Variants in KANK1 observed in about 807,000 individuals in gnomAD.
KANK1 encodes KN motif and ankyrin repeat domains 1.
Under a neutral mutation model 106.2 loss-of-function variants are expected in KANK1, and 109 were observed. That is an observed-to-expected ratio of 1.03 (90% CI 0.88 to 1.20). KANK1 has a LOEUF of 1.20. KANK1 is among the 50% of genes most tolerant of loss of function. KANK1 has a pLI of 0.00. For missense variants in KANK1, 2,399 were observed against 1,710.7 expected, an observed-to-expected ratio of 1.40 and a Z score of -7.10; for synonymous variants, 873 against 652.2, an observed-to-expected ratio of 1.34 and a Z score of -5.16.
intron 2 of KANK1, among the ~76,000 whole-genome samples, chr9:705,375 C>A (rs1786185412): frequency 6.6e-6 from 1 of 152,040 alleles, no homozygotes; most frequent in Non-Finnish European, 1.5e-5. Flanking sequence ...AATCCCAGCT[C>A]CTCGGGAGGA....
rs1190089437 is a variant in KANK1, at chr9:711,778, G to A, written c.1012G>A (p.Ala338Thr). Residue 338 changes from alanine (A) to threonine (T), a missense_variant, in exon 3 of 12, where the codon GCC becomes ACC. Physicochemically the swap from Ala to Thr is moderately conservative, Grantham distance 58. Transcript: ENST00000382297. ...CTCCCAGCTGGAACAGCTCTCCCGG[G>A]CCCGAAGAAGTGGCGGGGAATTATA... is the stretch of plus-strand genomic sequence containing the variant. ...NASQLEQLSR[A>T]RRSGGELYID... 6.2e-6 allele frequency: 10 copies of A among 1,614,068 alleles called. No homozygotes were observed. In the East Asian group the frequency reaches 1.6e-4, roughly 25 times the overall value.
At chr9:563,442 G>A (rs566179315) in intron 1 of KANK1, among the ~76,000 whole-genome samples, 1 of 152,258 alleles carries the variant, frequency 6.6e-6, no homozygotes, top group East Asian at 1.9e-4. Flanking sequence ...GAATAAACAT[G>A]CTGTTTTATT....
intron 1 of KANK1, among the ~76,000 whole-genome samples, chr9:628,104 A>G (rs1249995901): frequency 6.6e-6 from 1 of 152,206 alleles, no homozygotes; most frequent in Non-Finnish European, 1.5e-5. Context: ...AATCCTAGAG[A>G]GTATTTCCTG....
At position 742,561 on chromosome 9, in the gene KANK1, G is replaced by C. The variant is rs151074583; in HGVS notation, c.3897+156G>C. On this transcript the variant is annotated intron_variant, in intron 10 of 11. Coordinates refer to ENST00000382297, the MANE Select transcript of KANK1 (RefSeq NM_015158.5). ...GTGCCTCCCTTCACAGCCAAGCTTG[G>C]CTACACTTACTGTGTGTGTGCAAAC... Among the ~76,000 whole-genome samples, 10 of 152,260 alleles carry C rather than the reference G, an allele frequency of 6.6e-5. No homozygotes were observed. The East Asian group carries it at 1.9e-3, about 29-fold the overall frequency.
chr9:635,041 A>C (rs142810746), intron 1 of KANK1, among the ~76,000 whole-genome samples: 17 of 152,332 alleles, frequency 1.1e-4, no homozygotes, highest in Non-Finnish European at 2.2e-4. Context: ...TCACTGACCA[A>C]AAATGAGTCA....
intron 1 of KANK1, among the ~76,000 whole-genome samples, chr9:665,159 T>A (rs1398498450): frequency 2.0e-5 from 3 of 152,208 alleles, no homozygotes; most frequent in African/African-American, 7.2e-5. Context: ...GTGCAGAAGC[T>A]TTTCAGCTTG....
chr9:574,944 G>A (rs1284982101), intron 1 of KANK1, among the ~76,000 whole-genome samples: 1 of 151,224 alleles, frequency 6.6e-6, no homozygotes, highest in Non-Finnish European at 1.5e-5. Flanking sequence ...TTGTCTTTAT[G>A]CCCACAGGGG....
chr9:652,279 G>A (rs1841062452), intron 1 of KANK1, among the ~76,000 whole-genome samples: 1 of 152,136 alleles, frequency 6.6e-6, no homozygotes, highest in Non-Finnish European at 1.5e-5. Context: ...CCAGCACTTT[G>A]GGAGGCTAAG....
intron 1 of KANK1, among the ~76,000 whole-genome samples, chr9:518,183 G>A (rs12345902): frequency 0.047 from 7,122 of 151,868 alleles, 760 homozygotes; most frequent in African/African-American, 0.16. Context: ...TATATAGTTT[G>A]TGAATCATTT....
At chr9:598,478 C>A (rs1826784134) in intron 1 of KANK1, among the ~76,000 whole-genome samples, 1 of 151,360 alleles carries the variant, frequency 6.6e-6, no homozygotes, top group Admixed American at 6.6e-5. Flanking sequence ...AATATTAAGA[C>A]TTCCAATCCA....
At chr9:696,480 G>A (rs1821337807) in intron 2 of KANK1, among the ~76,000 whole-genome samples, 1 of 152,144 alleles carries the variant, frequency 6.6e-6, no homozygotes, top group Non-Finnish European at 1.5e-5. Context: ...TTACAAAAAT[G>A]AGGTATCTGG....
chr9:542,113 C>G (rs999421012), intron 1 of KANK1, among the ~76,000 whole-genome samples: 5 of 152,042 alleles, frequency 3.3e-5, no homozygotes, highest in Non-Finnish European at 7.4e-5. Context: ...AACAGAGGAC[C>G]TTAATAGAAA....
chr9:693,164 A>T (rs549193424), intron 2 of KANK1, among the ~76,000 whole-genome samples: 1 of 152,324 alleles, frequency 6.6e-6, no homozygotes, highest in South Asian at 2.1e-4. Context: ...GCTTGGGCCT[A>T]TGGTTTACGA....
intron 3 of KANK1, among the ~76,000 whole-genome samples, chr9:476,095 C>G (rs956921224): frequency 6.6e-6 from 1 of 151,662 alleles, no homozygotes; most frequent in African/African-American, 2.4e-5. Flanking sequence ...TCACTGTGAT[C>G]CACCTGCTTC....
intron 1 of KANK1, among the ~76,000 whole-genome samples, chr9:599,109 C>T (rs1352706560): frequency 2.0e-5 from 3 of 149,978 alleles, no homozygotes; most frequent in African/African-American, 5.0e-5. Context: ...GCCTCCACCT[C>T]CCAGGGTCAA....
At chr9:541,457 G>C (rs569552191) in intron 1 of KANK1, among the ~76,000 whole-genome samples, 8 of 152,248 alleles carry the variant, frequency 5.3e-5, no homozygotes, top group Admixed American at 4.6e-4. Flanking sequence ...TGGCTCAGGG[G>C]TAGAGGATTT....
chr9:508,068 C>G (rs1028852657), intron 1 of KANK1, among the ~76,000 whole-genome samples: 1 of 149,764 alleles, frequency 6.7e-6, no homozygotes, highest in Non-Finnish European at 1.5e-5. Context: ...GTTATCCATC[C>G]GCCTCTGCCT....
chr9:711,387 T>C lies in KANK1; in HGVS notation c.621T>C (p.Pro207=), dbSNP rs1189587291. 6.2e-7 allele frequency: 1 copy of C among 1,614,176 alleles called. No homozygotes were observed. The highest frequency in any genetic ancestry group is 8.5e-7 in the Non-Finnish European group (1 of 1,180,024). The part of the protein sequence containing the change: ...PSFVGSGNHN[P]AKHQLQNGYQ... Reference sequence around the variant, plus strand: ...TTGTGGGTTCTGGAAACCACAATCCTGCCAAGCACCAGCTTCAGAATGGAT... The same window carrying C: ...TTGTGGGTTCTGGAAACCACAATCCCGCCAAGCACCAGCTTCAGAATGGAT... The change falls in exon 3 of 12, where the codon CCT becomes CCC. Residue 207 remains proline (P), a synonymous_variant. Coordinates refer to ENST00000382297, the MANE Select transcript of KANK1 (RefSeq NM_015158.5).
intron 1 of KANK1, among the ~76,000 whole-genome samples, chr9:581,778 G>A (rs936379705): frequency 5.3e-5 from 8 of 152,078 alleles, no homozygotes; most frequent in South Asian, 2.1e-4. Flanking sequence ...GAAGTTATCC[G>A]TTTACACCAG....
Sources: gnomAD v4.1 joint callset for allele counts (sites outside exome capture counted in the v4.1 genomes callset) on GRCh38, gnomAD v4.1.1 for gene constraint, MANE v1.5 for transcripts, NCBI Gene and HGNC (gene_info 2026-07-23, HGNC 2026-07-21) for gene names.